Variants in BABAM2 observed in about 807,000 individuals in gnomAD.
The protein encoded by BABAM2 is BRISC and BRCA1 A complex member 2, also known as BRISC and BRCA1-A complex member 2.
In BABAM2, 31 loss-of-function variants were observed where a neutral mutation model predicts 54.7. The ratio of observed to expected loss-of-function variants is 0.57; its 90% CI spans 0.43 to 0.77. The LOEUF (loss-of-function observed/expected upper bound fraction) is 0.77. BABAM2 is among the 30% of genes least tolerant of loss of function. The pLI is 0.00. For synonymous variants in BABAM2, 167 were observed against 162.9 expected (o/e 1.03, Z -0.19); for missense variants, 364 against 455.8 (o/e 0.80, Z 1.83).
intron 3 of BABAM2, among the ~76,000 whole-genome samples, chr2:27,945,080 G>A (rs1224307758): frequency 6.6e-6 from 1 of 151,632 alleles, no homozygotes; most frequent in African/African-American, 2.4e-5. Flanking sequence ...CACAATCATA[G>A]CAATCATAGC....
At chr2:28,053,381 C>T (rs1339627640) in intron 6 of BABAM2, among the ~76,000 whole-genome samples, 5 of 152,156 alleles carry the variant, frequency 3.3e-5, no homozygotes, top group Non-Finnish European at 7.4e-5. Context: ...AGAATTCACA[C>T]AGAACCGTCA....
intron 7 of BABAM2, among the ~76,000 whole-genome samples, chr2:28,188,359 G>A (rs1676544364): frequency 6.6e-6 from 1 of 152,154 alleles, no homozygotes; most frequent in African/African-American, 2.4e-5. Context: ...GTGGGCGGAG[G>A]GAAGGTTTGG....
intron 3 of BABAM2, among the ~76,000 whole-genome samples, chr2:27,966,747 A>G (rs1419074275): frequency 6.6e-6 from 1 of 152,222 alleles, no homozygotes; most frequent in African/African-American, 2.4e-5. Flanking sequence ...GGCTCAGGCT[A>G]TGCTTTTTGT....
chr2:28,179,183 A>G (rs1675348076), intron 7 of BABAM2, among the ~76,000 whole-genome samples: 2 of 152,178 alleles, frequency 1.3e-5, no homozygotes, highest in African/African-American at 4.8e-5. Context: ...AGAATGTAAC[A>G]AAAAAAGGAA....
chr2:28,228,500 A>T (rs1681085994), intron 7 of BABAM2, among the ~76,000 whole-genome samples: 1 of 152,186 alleles, frequency 6.6e-6, no homozygotes, highest in African/African-American at 2.4e-5. Context: ...ATCTGTACCT[A>T]TTTAAGAGCA....
chr2:28,078,071 T>G (rs1664844791), intron 6 of BABAM2, among the ~76,000 whole-genome samples: 1 of 152,074 alleles, frequency 6.6e-6, no homozygotes, highest in Non-Finnish European at 1.5e-5. Flanking sequence ...AAGTTTGTAC[T>G]CTTCTGAGTA....
chr2:28,035,024 G>T (rs1482373928), intron 5 of BABAM2, among the ~76,000 whole-genome samples: 1 of 152,106 alleles, frequency 6.6e-6, no homozygotes, highest in Non-Finnish European at 1.5e-5. Context: ...TCTGAACTGA[G>T]ATGTGTGCAC....
chr2:28,212,256 A>G (rs1679532348), intron 7 of BABAM2, among the ~76,000 whole-genome samples: 1 of 152,236 alleles, frequency 6.6e-6, no homozygotes, highest in Admixed American at 6.5e-5. Context: ...TCATTTATTC[A>G]GCATTTGAGT....
At chr2:28,204,341 G>A (rs1678597017) in intron 7 of BABAM2, among the ~76,000 whole-genome samples, 1 of 152,186 alleles carries the variant, frequency 6.6e-6, no homozygotes, top group Non-Finnish European at 1.5e-5. Context: ...GTATGAAAAT[G>A]TGATGTTTAG....
intron 3 of BABAM2, among the ~76,000 whole-genome samples, chr2:27,952,807 A>C (rs2148410546): frequency 6.6e-6 from 1 of 152,288 alleles, no homozygotes; most frequent in East Asian, 1.9e-4. Flanking sequence ...TGTGTATTGA[A>C]ATTAAAAAGC....
chr2:28,007,201 G>C (rs1021073841), intron 4 of BABAM2, among the ~76,000 whole-genome samples: 4 of 151,894 alleles, frequency 2.6e-5, no homozygotes, highest in African/African-American at 9.7e-5. Context: ...AAGCCTGAAT[G>C]GTAGTCACAG....
At chr2:28,129,215 C>T (rs956964805) in intron 6 of BABAM2, 56 bp from the exon 7 acceptor site, 1 of 1,481,950 alleles carries the variant, frequency 6.7e-7, no homozygotes, top group Non-Finnish European at 9.4e-7. Flanking sequence ...GAGCTTGACA[C>T]TAATAAGATG....
rs113277578 is a variant in BABAM2, at chr2:28,267,438, T to C, written c.934+22576T>C. 3.1e-3 allele frequency among the ~76,000 whole-genome samples: 434 copies of C among 141,816 alleles called. 4 individuals carry two copies. The highest frequency in any genetic ancestry group is 0.01 in the African/African-American group (386 of 37,038). The allele number at this position is 141,816 out of a possible 152,430, so 93.0% of individuals were successfully genotyped here. A position where few individuals can be genotyped will look rare whatever the true frequency, so the allele number is the denominator to read the frequency against. Reference sequence around the variant, plus strand: ...TACACTGACTAGACACACACACACATACACACACACACACACACACACACA... The same window carrying C: ...TACACTGACTAGACACACACACACACACACACACACACACACACACACACA... On this transcript the variant is annotated intron_variant, in intron 10 of 11. Transcript: ENST00000379624.
At chr2:28,022,202 C>A (rs1382495699) in intron 4 of BABAM2, among the ~76,000 whole-genome samples, 2 of 151,130 alleles carry the variant, frequency 1.3e-5, no homozygotes, top group African/African-American at 4.9e-5. Context: ...TCCTGTCAGG[C>A]AGCCTAGACA....
chr2:28,162,936 C>T (rs1546028), intron 7 of BABAM2, among the ~76,000 whole-genome samples: 44,926 of 151,910 alleles, frequency 0.3, 7,376 homozygotes, highest in East Asian at 0.65. Context: ...CAGTTTTTTT[C>T]CCCCTTTCAG....
rs181388710 is a variant in BABAM2 at position 27,929,988 on chromosome 2, C to T, written c.205+80C>T. 4,616 of 1,331,690 alleles carry T rather than the reference C, an allele frequency of 3.5e-3. 61 individuals carry two copies. Among genetic ancestry groups the T allele is most frequent in the Non-Finnish European group, 2.8e-3 (2,661 of 935,600 alleles). 82.5% of individuals were successfully genotyped at this position (1,331,690 alleles called of 1,614,324 possible). On this transcript the variant is annotated intron_variant, in intron 3 of 11. Coordinates refer to ENST00000379624, the MANE Select transcript of BABAM2 (RefSeq NM_199191.3). ...GACTTTGTGCTTTAGTTTTCATTTC[C>T]GGCTGTTAGTTGTTATCTCCTAAGA...
chr2:28,294,885 T>C (rs1687557720), intron 10 of BABAM2, among the ~76,000 whole-genome samples: 1 of 152,226 alleles, frequency 6.6e-6, no homozygotes. Flanking sequence ...ACATTTACTG[T>C]GTGCACTGAG....
intron 7 of BABAM2, among the ~76,000 whole-genome samples, chr2:28,143,126 C>T (rs1671201310): frequency 1.3e-5 from 2 of 148,656 alleles, no homozygotes; most frequent in Non-Finnish European, 3.0e-5. Context: ...TGTCCACTGA[C>T]AGATTATTGG....
At chr2:28,293,632 T>C (rs1036967907) in intron 10 of BABAM2, among the ~76,000 whole-genome samples, 4 of 152,150 alleles carry the variant, frequency 2.6e-5, no homozygotes, top group African/African-American at 9.7e-5. Flanking sequence ...TTCAGAGCCT[T>C]GTGAATGCAT....
Sources: gnomAD v4.1 joint callset for allele counts (sites outside exome capture counted in the v4.1 genomes callset) on GRCh38, gnomAD v4.1.1 for gene constraint, MANE v1.5 for transcripts, NCBI Gene and HGNC (gene_info 2026-07-23, HGNC 2026-07-21) for gene names.